The following PRCP variants were observed in gnomAD, a reference collection of about 807,000 sequenced individuals.
PRCP encodes the protein lysosomal Pro-X carboxypeptidase.
Under a neutral mutation model 54.2 loss-of-function variants are expected in PRCP, and 46 were observed. The ratio of observed to expected loss-of-function variants is 0.85; its 90% confidence interval spans 0.67 to 1.09. The LOEUF (loss-of-function observed/expected upper bound fraction) is 1.09. PRCP is among the 50% of genes least tolerant of loss of function. The pLI is 0.00. For synonymous variants in PRCP, 240 were observed against 212.2 expected, an observed-to-expected ratio of 1.13 and a Z score of -1.14; for missense variants, 613 against 596.8, an observed-to-expected ratio of 1.03 and a Z score of -0.28.
intron 8 of PRCP, among the ~76,000 whole-genome samples, chr11:82,837,754 G>A (rs1317054936): frequency 6.6e-6 from 1 of 152,164 alleles, no homozygotes; most frequent in Non-Finnish European, 1.5e-5. Context: ...TAACTCTAAT[G>A]TGAACCAGTG....
chr11:82,869,051 A>C (rs1859411800), intron 1 of PRCP, among the ~76,000 whole-genome samples: 1 of 151,710 alleles, frequency 6.6e-6, no homozygotes, highest in Non-Finnish European at 1.5e-5. Context: ...ATAAATAAAT[A>C]AATAAGGAAA....
In PRCP at chr11:82,823,148, T is replaced by C. The variant is rs986496210; in HGVS notation, c.*1758A>G. On this transcript the variant is annotated 3_prime_UTR_variant, in exon 9 of 9. Coordinates refer to ENST00000313010, the MANE Select transcript of PRCP (RefSeq NM_005040.4). ...GCCAAAAAATTCTATTTTTTGCAGT[T>C]TGTTTCTTCAGAATAATGTAACTCA... 5.9e-5 allele frequency among the ~76,000 whole-genome samples: 9 copies of C among 152,302 alleles called. No individual in the cohort carries two copies. Among genetic ancestry groups the C allele is most frequent in the African/African-American group, 1.9e-4 (8 of 41,580 alleles).
chr11:82,835,319 A>G (rs919324754), intron 8 of PRCP, among the ~76,000 whole-genome samples: 1 of 152,244 alleles, frequency 6.6e-6, no homozygotes, highest in East Asian at 1.9e-4. Context: ...CTCAGAGTCA[A>G]CTTCCAGGCA....
intron 1 of PRCP, among the ~76,000 whole-genome samples, chr11:82,877,417 C>T (rs565592483): frequency 6.6e-5 from 10 of 152,286 alleles, no homozygotes; most frequent in South Asian, 4.1e-4. Flanking sequence ...AGAGACCACA[C>T]GGCAGCCCCT....
chr11:82,855,569 A>G (rs944630368), intron 2 of PRCP, among the ~76,000 whole-genome samples: 3 of 152,222 alleles, frequency 2.0e-5, no homozygotes, highest in Non-Finnish European at 2.9e-5. Flanking sequence ...CAGCGAGCCC[A>G]GATCACGCCA....
At chr11:82,862,593 C>A (rs1859232906) in intron 1 of PRCP, among the ~76,000 whole-genome samples, 1 of 152,200 alleles carries the variant, frequency 6.6e-6, no homozygotes, top group Admixed American at 6.5e-5. Flanking sequence ...TATCTACACA[C>A]ACAGTTCCCA....
At chr11:82,890,058 C>G (rs909597917) in intron 1 of PRCP, among the ~76,000 whole-genome samples, 1 of 151,922 alleles carries the variant, frequency 6.6e-6, no homozygotes, top group African/African-American at 2.4e-5. Flanking sequence ...TTTGTTCTCA[C>G]TTGGCAAAAG....
At chr11:82,833,149 A>G (rs762196048) in intron 8 of PRCP, among the ~76,000 whole-genome samples, 26 of 152,210 alleles carry the variant, frequency 1.7e-4, no homozygotes, top group Non-Finnish European at 2.9e-4. Flanking sequence ...TGCGCCAGTC[A>G]CTGTAGCAGA....
At chr11:82,880,843 A>G (rs1027089586) in intron 1 of PRCP, among the ~76,000 whole-genome samples, 4 of 152,094 alleles carry the variant, frequency 2.6e-5, no homozygotes, top group African/African-American at 9.7e-5. Flanking sequence ...GAGGAAAAAA[A>G]AAAAAAAAAC....
At chr11:82,864,535 C>A (rs1331414365) in intron 1 of PRCP, among the ~76,000 whole-genome samples, 1 of 152,160 alleles carries the variant, frequency 6.6e-6, no homozygotes, top group Non-Finnish European at 1.5e-5. Context: ...TCGAAGAGGT[C>A]ACATGACTTA....
At chr11:82,887,495 A>G (rs1859889963) in intron 1 of PRCP, among the ~76,000 whole-genome samples, 1 of 152,358 alleles carries the variant, frequency 6.6e-6, no homozygotes, top group East Asian at 1.9e-4. Flanking sequence ...GGAGCTCAGA[A>G]AACAATACCC....
chr11:82,888,956 T>A (rs1005588555), intron 1 of PRCP, among the ~76,000 whole-genome samples: 1 of 152,150 alleles, frequency 6.6e-6, no homozygotes, highest in Non-Finnish European at 1.5e-5. Flanking sequence ...GCTTTAAATG[T>A]AGAATAAGAG....
Position 82,877,769 on chromosome 11 carries a change from G to T in PRCP, c.169-17652C>A, listed in dbSNP as rs543295731. ...TCATGGAGAACCTCTGCTAGGACAGGGTAGAAGGGAATGTGGAGTCAGAGC... is the reference window on the plus strand; with the variant it reads ...TCATGGAGAACCTCTGCTAGGACAGTGTAGAAGGGAATGTGGAGTCAGAGC... On this transcript the variant is annotated intron_variant, in intron 1 of 8. Transcript: ENST00000313010. Among the ~76,000 whole-genome samples the T allele has an allele frequency of 3.3e-5, 5 of 152,332 alleles. No individual in the cohort carries two copies. In the East Asian group the frequency reaches 9.6e-4, roughly 29 times the overall value.
At chr11:82,839,218 C>T (rs1591040557) in intron 7 of PRCP, 43 bp downstream of exon 7, 1 of 1,577,808 alleles carries the variant, frequency 6.3e-7, no homozygotes, top group Non-Finnish European at 8.6e-7. Flanking sequence ...ACAACTGTGT[C>T]AGTGAAAAGT....
chr11:82,866,714 T>C (rs1830431013), intron 1 of PRCP, among the ~76,000 whole-genome samples: 1 of 151,902 alleles, frequency 6.6e-6, no homozygotes, highest in South Asian at 2.1e-4. Flanking sequence ...ACTTTATAGA[T>C]AATTGTTTTT....
chr11:82,890,242 C>T (rs867411040), intron 1 of PRCP, among the ~76,000 whole-genome samples: 1 of 152,330 alleles, frequency 6.6e-6, no homozygotes, highest in South Asian at 2.1e-4. Context: ...TACTTTCCTT[C>T]TCTGCTAGAG....
At chr11:82,846,182 C>G (rs1466670523) in intron 6 of PRCP, 2 of 152,032 alleles carry the variant, frequency 1.3e-5, no homozygotes, top group Non-Finnish European at 2.9e-5. Context: ...GGAAGTGTAT[C>G]AGAGGGAGGA....
At chr11:82,848,222 C>G (rs1203833024) in intron 6 of PRCP, among the ~76,000 whole-genome samples, 1 of 152,216 alleles carries the variant, frequency 6.6e-6, no homozygotes, top group East Asian at 1.9e-4. Flanking sequence ...ATTTAACCAT[C>G]AAGTTGGCCA....
At chr11:82,866,342 G>A (rs890935207) in intron 1 of PRCP, among the ~76,000 whole-genome samples, 12 of 152,110 alleles carry the variant, frequency 7.9e-5, no homozygotes, top group Non-Finnish European at 1.5e-4. Flanking sequence ...TTAGAGGGTC[G>A]AGCTTCCATC....
Sources: allele counts gnomAD v4.1 joint callset (sites outside exome capture counted in the v4.1 genomes callset), GRCh38; gene constraint gnomAD v4.1.1; transcripts MANE v1.5; gene names NCBI Gene and HGNC (gene_info 2026-07-23, HGNC 2026-07-21).